RORA: variants seen among roughly 807,000 people sequenced by gnomAD.
The protein encoded by RORA is nuclear receptor ROR-alpha.
In RORA, 7 loss-of-function variants were observed where a neutral mutation model predicts 69.5. The observed-to-expected ratio is 0.10, with a 90% CI of 0.06 to 0.19. RORA has a LOEUF of 0.19. RORA is among the 10% of genes least tolerant of loss of function. The pLI is 1.00. For synonymous variants in RORA, 261 were observed against 240.8 expected, an observed-to-expected ratio of 1.08 and a Z score of -0.78; for missense variants, 457 against 663.0, an observed-to-expected ratio of 0.69 and a Z score of 3.41.
chr15:60,589,740 G>C (rs1208968387), intron 2 of RORA, among the ~76,000 whole-genome samples: 1 of 152,086 alleles, frequency 6.6e-6, no homozygotes, highest in Non-Finnish European at 1.5e-5. Flanking sequence ...TTCTTCTTTG[G>C]TGAGTTCAAA....
intron 2 of RORA, among the ~76,000 whole-genome samples, chr15:60,667,059 G>A (rs981670732): frequency 5.9e-5 from 9 of 152,082 alleles, no homozygotes; most frequent in African/African-American, 2.2e-4. Flanking sequence ...ATGTAAGGCT[G>A]GTGTTTTCTA....
chr15:60,968,226 T>G (rs1177799222), intron 1 of RORA, among the ~76,000 whole-genome samples: 1 of 152,160 alleles, frequency 6.6e-6, no homozygotes, highest in Non-Finnish European at 1.5e-5. Context: ...GCCCCAGGAC[T>G]GGAAACCTGC....
chr15:60,521,156 A>G (rs973333646), intron 3 of RORA, among the ~76,000 whole-genome samples: 1 of 152,170 alleles, frequency 6.6e-6, no homozygotes, highest in African/African-American at 2.4e-5. Context: ...ATATCAAACC[A>G]GAAACTTTTG....
At position 60,815,974 on chromosome 15, in the gene RORA, T is replaced by A. The variant is rs141095241; in HGVS notation, c.167-137288A>T. ...TACTATAAATAGTATATGTATTTATTTACTATAAATAGTATATATATACTA... is the reference window on the plus strand; with the variant it reads ...TACTATAAATAGTATATGTATTTATATACTATAAATAGTATATATATACTA... On this transcript the variant is annotated intron_variant, in intron 1 of 10. Coordinates refer to ENST00000335670, the MANE Select transcript of RORA (RefSeq NM_134261.3). 4.5e-3 allele frequency among the ~76,000 whole-genome samples: 573 copies of A among 127,378 alleles called. 2 individuals carry two copies. Among genetic ancestry groups the A allele is most frequent in the African/African-American group, 9.1e-3 (304 of 33,234 alleles). 83.6% of individuals were successfully genotyped at this position (127,378 alleles called of 152,430 possible).
chr15:61,077,394 T>G (rs1417376506), intron 1 of RORA, among the ~76,000 whole-genome samples: 1 of 152,174 alleles, frequency 6.6e-6, no homozygotes, highest in Non-Finnish European at 1.5e-5. Context: ...CCATTTACCT[T>G]GAAAGACACG....
intron 1 of RORA, among the ~76,000 whole-genome samples, chr15:60,785,414 G>C (rs1732960774): frequency 6.6e-6 from 1 of 152,180 alleles, no homozygotes; most frequent in Non-Finnish European, 1.5e-5. Flanking sequence ...AAACAGAGAA[G>C]GGATCTCAAT....
At position 60,828,243 on chromosome 15, in the gene RORA, T is replaced by A. The variant is rs1296136551; in HGVS notation, c.167-149557A>T. Among the ~76,000 whole-genome samples the A allele has an allele frequency of 2.0e-5, 3 of 152,236 alleles. No homozygotes were observed. In the South Asian group the frequency reaches 6.2e-4, roughly 32 times the overall value. On this transcript the variant is annotated intron_variant, in intron 1 of 10. Coordinates refer to ENST00000335670, the MANE Select transcript of RORA (RefSeq NM_134261.3). ...TCAGGAGAGGCAGCACCCTTCCCTA[T>A]CCTTTCAGCCTTGACTCAGTGTCTC...
chr15:61,154,534 G>A (rs2079425957), intron 1 of RORA, among the ~76,000 whole-genome samples: 1 of 152,134 alleles, frequency 6.6e-6, no homozygotes, highest in Non-Finnish European at 1.5e-5. Flanking sequence ...TCACAGACAG[G>A]TCACAGATCT....
At chr15:60,608,770 A>T (rs1301286756) in intron 2 of RORA, among the ~76,000 whole-genome samples, 2 of 152,106 alleles carry the variant, frequency 1.3e-5, no homozygotes, top group East Asian at 3.9e-4. Context: ...GCCACGAGAG[A>T]TAATTTACAT....
chr15:61,225,730 A>G lies in RORA; in HGVS notation c.166+3323T>C, dbSNP rs540258473. 1.2e-3 allele frequency among the ~76,000 whole-genome samples: 179 copies of G among 152,368 alleles called. 1 individual carries two copies. Among genetic ancestry groups the G allele is most frequent in the South Asian group, 7.7e-3 (37 of 4,830 alleles). Reference sequence around the variant, plus strand: ...ATATGTAAGCTTCTGGCAAGCACATATAATAACGAGATTCTGAAAAAGGGT... The same window carrying G: ...ATATGTAAGCTTCTGGCAAGCACATGTAATAACGAGATTCTGAAAAAGGGT... On this transcript the variant is annotated intron_variant, in intron 1 of 10. Transcript: ENST00000335670.
intron 1 of RORA, among the ~76,000 whole-genome samples, chr15:61,116,607 G>A (rs1414173498): frequency 6.6e-6 from 1 of 152,162 alleles, no homozygotes; most frequent in Non-Finnish European, 1.5e-5. Context: ...ATTGGAGAGG[G>A]CATGAAGCTC....
At chr15:60,639,273 G>A (rs77941833) in intron 2 of RORA, among the ~76,000 whole-genome samples, 5,321 of 142,016 alleles carry the variant, frequency 0.037, 335 homozygotes, top group African/African-American at 0.13. Context: ...AAAACCAAGT[G>A]CCATACATGT....
rs577453890 is a variant in RORA at position 60,988,354 on chromosome 15, C to T, written c.166+240699G>A. The stretch of plus-strand genomic sequence containing the variant: ...ACAATCAGTCATAGCATGCTAATAG[C>T]CAGGAAGTCACATTTGATGCTCCTG... On this transcript the variant is annotated intron_variant, in intron 1 of 10. Coordinates refer to ENST00000335670, the MANE Select transcript of RORA (RefSeq NM_134261.3). Among the ~76,000 whole-genome samples the T allele has an allele frequency of 2.6e-5, 4 of 152,216 alleles. No individual in the cohort carries two copies. In the East Asian group the frequency reaches 5.8e-4, roughly 22 times the overall value.
chr15:60,735,612 A>G (rs532271085), intron 1 of RORA, among the ~76,000 whole-genome samples: 1 of 151,958 alleles, frequency 6.6e-6, no homozygotes, highest in South Asian at 2.1e-4. Context: ...CGGCCTCCAG[A>G]AGAGACAAGG....
chr15:60,888,006 C>G (rs72750689), intron 1 of RORA, among the ~76,000 whole-genome samples: 6,928 of 152,280 alleles, frequency 0.045, 190 homozygotes, highest in African/African-American at 0.069. Flanking sequence ...AAAAGTAGCT[C>G]CAGCTAACCC....
chr15:61,156,421 C>T (rs1391025685), intron 1 of RORA, among the ~76,000 whole-genome samples: 2 of 152,150 alleles, frequency 1.3e-5, no homozygotes, highest in Admixed American at 6.5e-5. Context: ...CCCCACAGGC[C>T]GGCACCCCTA....
At chr15:60,677,081 T>C (rs2070565019) in intron 2 of RORA, 3 of 439,540 alleles carry the variant, frequency 6.8e-6, no homozygotes, top group Non-Finnish European at 1.4e-5. Context: ...CCATAAACAG[T>C]AGGCACAATC....
At chr15:60,891,777 T>C (rs1468851665) in intron 1 of RORA, among the ~76,000 whole-genome samples, 1 of 152,230 alleles carries the variant, frequency 6.6e-6, no homozygotes, top group East Asian at 1.9e-4. Context: ...TCTAGCTTCT[T>C]GCCTTTGGTT....
chr15:60,491,409 A>T lies in RORA; in HGVS notation c.*6046T>A, dbSNP rs547722458. 6.6e-6 allele frequency: 1 copy of T among 152,310 alleles called. No homozygotes were observed. Among genetic ancestry groups the T allele is most frequent in the East Asian group, 1.9e-4 (1 of 5,188 alleles). The allele number at this position is 152,310 out of a possible 1,614,324, so 9.4% of individuals were successfully genotyped here. A position where few individuals can be genotyped will look rare whatever the true frequency, so the allele number is the denominator to read the frequency against. On this transcript the variant is annotated 3_prime_UTR_variant, in exon 11 of 11. Coordinates refer to ENST00000335670, the MANE Select transcript of RORA (RefSeq NM_134261.3). ...TGGTACTGCTAATGTGGCAAAGTAC[A>T]TTAAATGTAAACAGCAAACACAGAT... is the stretch of plus-strand genomic sequence containing the variant.
Sources: allele counts gnomAD v4.1 joint callset (sites outside exome capture counted in the v4.1 genomes callset), GRCh38; gene constraint gnomAD v4.1.1; transcripts MANE v1.5; gene names NCBI Gene and HGNC (gene_info 2026-07-23, HGNC 2026-07-21).